Variants in CDK14 observed in about 807,000 individuals in gnomAD.
CDK14 encodes the protein cyclin dependent kinase 14.
In CDK14, 34 loss-of-function variants were observed where a neutral mutation model predicts 60.7. That is an observed-to-expected ratio of 0.56 (90% CI 0.43 to 0.75). The LOEUF is 0.75. CDK14 is among the 30% of genes least tolerant of loss of function. The probability of loss-of-function intolerance (pLI) is 0.00; values close to 1 mark genes in which losing one functional copy is unlikely to be tolerated. For synonymous variants in CDK14, 197 were observed against 203.7 expected, an observed-to-expected ratio of 0.97 and a Z score of 0.28; for missense variants, 482 against 564.1, an observed-to-expected ratio of 0.85 and a Z score of 1.47.
chr7:91,173,621 G>C (rs1174512157), intron 14 of CDK14, among the ~76,000 whole-genome samples: 1 of 152,228 alleles, frequency 6.6e-6, no homozygotes, highest in Non-Finnish European at 1.5e-5. Flanking sequence ...AGCCGAAGCA[G>C]GGCGAGGCAT....
intron 4 of CDK14, among the ~76,000 whole-genome samples, chr7:90,769,061 T>C (rs1359052094): frequency 6.6e-6 from 1 of 152,188 alleles, no homozygotes. Context: ...CATACAAAAA[T>C]TTAGACATTT....
intron 2 of CDK14, among the ~76,000 whole-genome samples, chr7:90,639,076 A>T (rs547217368): frequency 6.6e-6 from 1 of 152,266 alleles, no homozygotes; most frequent in African/African-American, 2.4e-5. Flanking sequence ...TTTGGTTTGA[A>T]TTTCCTCCTG....
intron 14 of CDK14, among the ~76,000 whole-genome samples, chr7:91,123,970 T>G (rs1401600885): frequency 6.6e-6 from 1 of 152,180 alleles, no homozygotes; most frequent in African/African-American, 2.4e-5. Flanking sequence ...TTGCTCAGGC[T>G]GAACTTCGTG....
At chr7:90,692,071 T>C (rs1170632732) in intron 2 of CDK14, among the ~76,000 whole-genome samples, 1 of 152,150 alleles carries the variant, frequency 6.6e-6, no homozygotes, top group Admixed American at 6.5e-5. Flanking sequence ...GTATAAAAAA[T>C]AAAGGAAAAT....
At chr7:90,663,140 T>G (rs1292901275) in intron 2 of CDK14, among the ~76,000 whole-genome samples, 1 of 146,252 alleles carries the variant, frequency 6.8e-6, no homozygotes, top group African/African-American at 2.6e-5. Context: ...ACACGTAGAG[T>G]TCTGTTACCT....
chr7:90,934,802 T>C (rs1445853968), intron 8 of CDK14, among the ~76,000 whole-genome samples: 1 of 152,238 alleles, frequency 6.6e-6, no homozygotes, highest in Non-Finnish European at 1.5e-5. Flanking sequence ...AAATTTGTGG[T>C]TGTTTCTTTA....
At chr7:91,107,154 C>CA (rs1199769327) in intron 12 of CDK14, among the ~76,000 whole-genome samples, 1 of 152,202 alleles carries the variant, frequency 6.6e-6, no homozygotes, top group Non-Finnish European at 1.5e-5. Flanking sequence ...CTGCCATCTT[C>CA]ATACTCCAAA....
At chr7:90,987,292 C>T (rs1160375202) in intron 10 of CDK14, among the ~76,000 whole-genome samples, 1 of 151,836 alleles carries the variant, frequency 6.6e-6, no homozygotes, top group African/African-American at 2.4e-5. Flanking sequence ...TTAAATTTCC[C>T]ATGGGATTAT....
intron 5 of CDK14, among the ~76,000 whole-genome samples, chr7:90,798,205 A>G (rs1216313931): frequency 6.8e-6 from 1 of 147,256 alleles, no homozygotes; most frequent in Non-Finnish European, 1.5e-5. Context: ...TTTTTTTTGT[A>G]GCAGTAAATG....
At chr7:90,632,916 C>G (rs1367442564) in intron 2 of CDK14, among the ~76,000 whole-genome samples, 1 of 152,018 alleles carries the variant, frequency 6.6e-6, no homozygotes, top group Non-Finnish European at 1.5e-5. Flanking sequence ...TGACGAAACC[C>G]CATCTCTACT....
intron 6 of CDK14, among the ~76,000 whole-genome samples, chr7:90,863,492 A>G (rs917453585): frequency 2.0e-5 from 3 of 152,192 alleles, no homozygotes; most frequent in East Asian, 1.9e-4. Context: ...AATTTTTATC[A>G]GATATGTTAT....
At chr7:91,131,795 A>C (rs1462673838) in intron 14 of CDK14, among the ~76,000 whole-genome samples, 1 of 152,124 alleles carries the variant, frequency 6.6e-6, no homozygotes, top group Non-Finnish European at 1.5e-5. Flanking sequence ...TCACCTGTTC[A>C]TTTGTCTTCC....
chr7:90,752,870 A>G (rs188792199), intron 4 of CDK14, among the ~76,000 whole-genome samples: 93 of 152,268 alleles, frequency 6.1e-4, no homozygotes, highest in African/African-American at 2.1e-3. Context: ...GAACAACTCT[A>G]TGTATACAAA....
chr7:90,806,659 C>G (rs1788851975), intron 5 of CDK14, among the ~76,000 whole-genome samples: 1 of 152,200 alleles, frequency 6.6e-6, no homozygotes, highest in Non-Finnish European at 1.5e-5. Context: ...TGAGCCAAAT[C>G]AGGGCGAGGC....
chr7:90,876,512 C>G (rs1344608908), intron 6 of CDK14, among the ~76,000 whole-genome samples: 1 of 152,280 alleles, frequency 6.6e-6, no homozygotes, highest in East Asian at 1.9e-4. Flanking sequence ...CAACTCATGC[C>G]CACTTCCTGG....
intron 9 of CDK14, among the ~76,000 whole-genome samples, chr7:90,968,600 G>A (rs1794825311): frequency 6.6e-6 from 1 of 152,042 alleles, no homozygotes; most frequent in South Asian, 2.1e-4. Context: ...TTTTCTGATT[G>A]ATAATTTAAA....
At chr7:90,783,636 CA>C (rs1277361633) in intron 4 of CDK14, among the ~76,000 whole-genome samples, 2 of 151,994 alleles carry the variant, frequency 1.3e-5, no homozygotes, top group African/African-American at 4.8e-5. Flanking sequence ...AGACATTTCT[CA>C]AAAGAAGAGA....
At chr7:91,138,686 A>T (rs1337021505) in intron 14 of CDK14, among the ~76,000 whole-genome samples, 1 of 152,132 alleles carries the variant, frequency 6.6e-6, no homozygotes, top group Non-Finnish European at 1.5e-5. Context: ...AATAGATTTT[A>T]TATATATTAA....
intron 8 of CDK14, among the ~76,000 whole-genome samples, chr7:90,952,116 A>G (rs1054945455): frequency 1.1e-4 from 16 of 152,192 alleles, no homozygotes; most frequent in Non-Finnish European, 2.1e-4. Flanking sequence ...TATCTGAGAA[A>G]TAAAGGGAGA....
Sources: gnomAD v4.1 joint callset for allele counts (sites outside exome capture counted in the v4.1 genomes callset) on GRCh38, gnomAD v4.1.1 for gene constraint, MANE v1.5 for transcripts, NCBI Gene and HGNC (gene_info 2026-07-23, HGNC 2026-07-21) for gene names.